TANC2: variants seen among roughly 807,000 people sequenced by gnomAD.
The protein encoded by TANC2 is protein TANC2.
In TANC2, 26 loss-of-function variants were observed where a neutral mutation model predicts 210.5. The observed-to-expected ratio is 0.12, with a 90% CI of 0.09 to 0.17. The LOEUF (loss-of-function observed/expected upper bound fraction) is 0.17. Among genes scored for constraint, TANC2 ranks in the 10% least tolerant of loss-of-function variants. TANC2 has a pLI of 1.00. For synonymous variants in TANC2, 931 were observed against 967.1 expected (o/e 0.96, Z 0.69); for missense variants, 2,129 against 2,608.9 (o/e 0.82, Z 4.01).
At chr17:62,982,919 T>C (rs1257504915) in intron 1 of TANC2, among the ~76,000 whole-genome samples, 8 of 152,238 alleles carry the variant, frequency 5.3e-5, no homozygotes, top group Admixed American at 5.2e-4. Flanking sequence ...TCGTTCTTTT[T>C]GCTCAGAATT....
At chr17:63,311,719 G>A (rs551584227) in intron 9 of TANC2, among the ~76,000 whole-genome samples, 2 of 152,160 alleles carry the variant, frequency 1.3e-5, no homozygotes, top group Non-Finnish European at 2.9e-5. Flanking sequence ...CAGCCAAAAA[G>A]TGGAAGCAGC....
At chr17:62,996,000 A>G (rs1186499781) in intron 1 of TANC2, among the ~76,000 whole-genome samples, 1 of 152,206 alleles carries the variant, frequency 6.6e-6, no homozygotes, top group Non-Finnish European at 1.5e-5. Flanking sequence ...ACACTTAAAG[A>G]AGGCCTTTCT....
chr17:63,411,852 GGATATAGCTAAGGC>G, intron 22 of TANC2, 132 bp from the exon 23 acceptor site: 1 of 1,410,370 alleles, frequency 7.1e-7, no homozygotes, highest in Non-Finnish European at 9.6e-7. Flanking sequence ...TAAAGATCAA[GGATATAGCTAAGGC>G]CTGAAATACA....
intron 14 of TANC2, among the ~76,000 whole-genome samples, chr17:63,370,247 C>T (rs894795799): frequency 1.4e-5 from 2 of 148,026 alleles, no homozygotes; most frequent in African/African-American, 2.5e-5. Flanking sequence ...GGTGCAATCT[C>T]GGCTCACTGC....
At position 63,418,365 on chromosome 17, in the gene TANC2, A is replaced by G. The variant is rs372098365; in HGVS notation, c.4226A>G (p.Tyr1409Cys). 2 of 1,613,252 alleles carry G rather than the reference A, an allele frequency of 1.2e-6. No homozygotes were observed. Among genetic ancestry groups the G allele is most frequent in the African/African-American group, 1.3e-5 (1 of 74,942 alleles). The change falls in exon 27 of 28, where the codon TAT (tyrosine) becomes TGT (cysteine). Residue 1409 changes from tyrosine to cysteine, a missense_variant. Physicochemically the swap from Tyr to Cys is radical, Grantham distance 194. This residue lies in a region of TANC2 where 644 missense variants were observed against 937.5 expected (regional missense o/e 0.69). Transcript: ENST00000689528. The surrounding 1 kb of genome is among the most constrained non-coding windows in gnomAD (Gnocchi z 4.6). ...GCCCTGGAGCTGAAACCGAAATCTT[A>G]TGAAGCTTACTATGCGAGAGCAAGG... is the stretch of plus-strand genomic sequence containing the variant.
chr17:62,999,488 AG>A (rs1183874354), intron 1 of TANC2, among the ~76,000 whole-genome samples: 1 of 152,250 alleles, frequency 6.6e-6, no homozygotes, highest in Non-Finnish European at 1.5e-5. Flanking sequence ...TCAGTTCAAC[AG>A]GAAGACCTAA....
intron 8 of TANC2, among the ~76,000 whole-genome samples, chr17:63,252,973 TG>T (rs1315814265): frequency 6.6e-6 from 1 of 152,194 alleles, no homozygotes; most frequent in Non-Finnish European, 1.5e-5. Context: ...TTTCCTTCTT[TG>T]GGGTATATAC....
chr17:63,201,929 TC>T (rs1224367945), intron 7 of TANC2, among the ~76,000 whole-genome samples: 1 of 152,174 alleles, frequency 6.6e-6, no homozygotes, highest in Admixed American at 6.5e-5. Flanking sequence ...GCTCAGGAAA[TC>T]TTTCATCATA....
At chr17:63,015,465 C>G (rs2034065313) in intron 2 of TANC2, among the ~76,000 whole-genome samples, 1 of 152,070 alleles carries the variant, frequency 6.6e-6, no homozygotes, top group African/African-American at 2.4e-5. Context: ...TATCCCTCCC[C>G]CCGCTTCCCA....
intron 4 of TANC2, among the ~76,000 whole-genome samples, chr17:63,105,209 A>G (rs1244315807): frequency 3.3e-5 from 5 of 151,708 alleles, no homozygotes; most frequent in Non-Finnish European, 7.4e-5. Context: ...TGGGATAAAA[A>G]ATGGCCTGAT....
chr17:63,151,205 T>G, intron 4 of TANC2, 65 bp from the exon 5 acceptor site: 2 of 769,906 alleles, frequency 2.6e-6, no homozygotes, highest in Non-Finnish European at 1.6e-6. Flanking sequence ...TCTCCCTTCC[T>G]TTCTCTTTCT....
intron 14 of TANC2, among the ~76,000 whole-genome samples, chr17:63,374,962 G>A (rs1005331134): frequency 6.6e-6 from 1 of 152,156 alleles, no homozygotes; most frequent in Non-Finnish European, 1.5e-5. Flanking sequence ...ATATAGGAGA[G>A]GGGGGAAATA....
intron 21 of TANC2, among the ~76,000 whole-genome samples, chr17:63,407,628 G>T (rs1400102741): frequency 6.6e-6 from 1 of 152,202 alleles, no homozygotes; most frequent in African/African-American, 2.4e-5. Flanking sequence ...GTTATTAGCA[G>T]AACACTATAC....
chr17:63,385,808 G>A (rs2047760789), intron 15 of TANC2, among the ~76,000 whole-genome samples: 1 of 152,146 alleles, frequency 6.6e-6, no homozygotes, highest in South Asian at 2.1e-4. Context: ...AATAATCGAG[G>A]AGGATGAAAA....
chr17:63,256,937 CTTTT>C (rs1199251077), intron 8 of TANC2, among the ~76,000 whole-genome samples: 2 of 151,978 alleles, frequency 1.3e-5, no homozygotes, highest in South Asian at 2.1e-4. Context: ...TACTCCTATT[CTTTT>C]TTTATTTCCA....
At chr17:63,211,879 T>C (rs2041897215) in intron 7 of TANC2, among the ~76,000 whole-genome samples, 2 of 152,132 alleles carry the variant, frequency 1.3e-5, no homozygotes, top group South Asian at 2.1e-4. Flanking sequence ...GTTGTAGTTG[T>C]TTTGTTTTCT....
At position 63,421,923 on chromosome 17, in the gene TANC2, C is replaced by G. The variant is rs2049035993; in HGVS notation, c.6193C>G (p.Pro2065Ala). The change falls in exon 28 of 28, where the codon CCA becomes GCA. Residue 2065 changes from proline (P) to alanine (A), a missense_variant. This residue lies in a region of TANC2 where 161 missense variants were observed against 178.6 expected (regional missense o/e 0.90). Coordinates refer to ENST00000689528, the Ensembl canonical transcript of TANC2. This position sits in a 1 kb window ranked among gnomAD's most constrained non-coding sequence, Gnocchi z 6.9. ...GCAAGGGCAGACATCCCCTATCAAA[C>G]CAAAGAGACCGTTCGTGGAGTCTAA... 1.2e-6 allele frequency: 2 copies of G among 1,612,556 alleles called. No homozygotes were observed. Among genetic ancestry groups the G allele is most frequent in the African/African-American group, 1.3e-5 (1 of 74,888 alleles).
At chr17:63,336,543 A>G (rs1430708816) in intron 11 of TANC2, among the ~76,000 whole-genome samples, 1 of 152,214 alleles carries the variant, frequency 6.6e-6, no homozygotes, top group Non-Finnish European at 1.5e-5. Context: ...TTTTATACAC[A>G]AGGCTGTATT....
At chr17:63,389,948 A>C (rs1038312245) in intron 17 of TANC2, 6 of 238,528 alleles carry the variant, frequency 2.5e-5, no homozygotes, top group African/African-American at 1.4e-4. Flanking sequence ...AGAGAAGAAA[A>C]CTTAGCCATG....
Sources: allele counts gnomAD v4.1 joint callset (sites outside exome capture counted in the v4.1 genomes callset), GRCh38; gene constraint gnomAD v4.1.1; regional missense constraint gnomAD v4.1.1; non-coding constraint Gnocchi (gnomAD v3.1); transcripts MANE v1.5; gene names NCBI Gene and HGNC (gene_info 2026-07-23, HGNC 2026-07-21).